Variants in CSTF2 observed in about 807,000 individuals in gnomAD.
The protein encoded by CSTF2 is CF-1 64 kDa subunit.
CSTF2 carries 8 observed loss-of-function variants against 45.4 expected under a neutral mutation model. That is an observed-to-expected ratio of 0.18 (90% CI 0.10 to 0.32). The LOEUF (loss-of-function observed/expected upper bound fraction) is 0.32, where lower values mean the gene tolerates loss of function less well. CSTF2 is among the 10% of genes least tolerant of loss of function. The pLI is 1.00. For missense variants in CSTF2, 253 were observed against 477.1 expected, an observed-to-expected ratio of 0.53 and a Z score of 4.38; for synonymous variants, 155 against 158.9, an observed-to-expected ratio of 0.98 and a Z score of 0.18.
At chrX:100,826,389 A>G (rs185292195) in intron 6 of CSTF2, among the ~76,000 whole-genome samples, 1,077 of 107,582 alleles carry the variant, frequency 0.01, 5 homozygotes, top group Admixed American at 0.018. Flanking sequence ...AGACTTGTCA[A>G]TCTCTACATT....
chrX:100,823,401 G>C lies in CSTF2; in HGVS notation c.417G>C (p.Gln139His), dbSNP rs1419346911. ...SKAVASLPPE[Q>H]MFELMKQMKL... ...CAGTTGCCAGCCTTCCACCAGAGCA[G>C]ATGTTTGAGCTGATGAAACAAATGA... The change falls in exon 4 of 14, where the codon CAG becomes CAC. Residue 139 changes from glutamine (Q) to histidine (H), a missense_variant. Gln to His is a conservative substitution (Grantham distance 24). Around this residue, in one of 3 missense-constraint regions of CSTF2, gnomAD observed 45 missense variants for 147.5 expected, o/e 0.31. Transcript: ENST00000372972. The C allele has an allele frequency of 8.3e-7, 1 of 1,211,842 alleles. No homozygotes were observed. The highest frequency in any genetic ancestry group is 2.2e-5 in the Admixed American group (1 of 46,078).
At chrX:100,829,522 A>G (rs1300104892) in intron 8 of CSTF2, among the ~76,000 whole-genome samples, 1 of 111,113 alleles carries the variant, frequency 9.0e-6, no homozygotes, top group Non-Finnish European at 1.9e-5. Flanking sequence ...ACACACACAC[A>G]CATATATATA....
At position 100,831,545 on chromosome X, in the gene CSTF2, A is replaced by G; in HGVS notation, c.920A>G (p.Gln307Arg). 1 of 1,211,637 alleles carries G rather than the reference A, an allele frequency of 8.3e-7. No individual in the cohort carries two copies. The highest frequency in any genetic ancestry group is 1.1e-6 in the Non-Finnish European group (1 of 895,346). Residue 307 changes from glutamine to arginine, a missense_variant, in exon 9 of 14, where the codon CAG (glutamine) becomes CGG (arginine). Physicochemically the swap from Gln to Arg is conservative, Grantham distance 43 (BLOSUM62 1). Around this residue, in one of 3 missense-constraint regions of CSTF2, gnomAD observed 200 missense variants for 294.0 expected, o/e 0.68. Coordinates refer to ENST00000372972, the MANE Select transcript of CSTF2 (RefSeq NM_001325.3). ...VPMQDPRAAM[Q>R]RGSLPANVPT... is the part of the protein sequence containing the mutation. The stretch of plus-strand genomic sequence containing the variant: ...ATGCAAGACCCCAGAGCAGCTATGC[A>G]GCGGGGATCCTTGCCTGCGAATGTC...
At chrX:100,840,121 A>G (rs938261009) in intron 13 of CSTF2, among the ~76,000 whole-genome samples, 1 of 111,544 alleles carries the variant, frequency 9.0e-6, no homozygotes, top group African/African-American at 3.3e-5. Flanking sequence ...AACTATCATG[A>G]TTTGTGTATA....
At position 100,837,451 on chromosome X, in the gene CSTF2, TA is replaced by T; in HGVS notation, c.1611+4del. 1 of 1,142,985 alleles carries T rather than the reference TA, an allele frequency of 8.7e-7. No individual in the cohort carries two copies. Among genetic ancestry groups the T allele is most frequent in the Non-Finnish European group, 1.2e-6 (1 of 835,205 alleles). The allele number at this position is 1,142,985 out of a possible 1,213,427, so 94.2% of individuals were successfully genotyped here. A position where few individuals can be genotyped will look rare whatever the true frequency, so the allele number is the denominator to read the frequency against. The stretch of plus-strand genomic sequence containing the variant: ...GTCACTCCACAGGATCATGAGAAGG[TA>T]AGCAACACTGTCTGACTGCCTCCTT... On this transcript the variant is annotated splice_donor_region_variant and intron_variant, in intron 12 of 13. Coordinates refer to ENST00000372972, the MANE Select transcript of CSTF2 (RefSeq NM_001325.3).
intron 6 of CSTF2, 63 bp downstream of exon 6, chrX:100,824,320 G>T: frequency 9.6e-7 from 1 of 1,036,726 alleles, no homozygotes; most frequent in Admixed American, 3.6e-5. Flanking sequence ...CTTTTTAGGA[G>T]AATATATTGA....
intron 13 of CSTF2, among the ~76,000 whole-genome samples, chrX:100,838,768 A>G (rs1291007987): frequency 8.9e-6 from 1 of 112,043 alleles, no homozygotes; most frequent in Non-Finnish European, 1.9e-5. Context: ...GAAAAATACA[A>G]AGCATTTCAA....
At chrX:100,834,914 TTCTC>T (rs1219932532) in intron 11 of CSTF2, among the ~76,000 whole-genome samples, 1 of 112,071 alleles carries the variant, frequency 8.9e-6, no homozygotes, top group Admixed American at 9.5e-5. Flanking sequence ...TTTTGCTCCT[TTCTC>T]TCTGCTGGTA....
At chrX:100,838,421 A>G (rs2085021966) in intron 13 of CSTF2, 57 bp downstream of exon 13, 8 of 1,080,937 alleles carry the variant, frequency 7.4e-6, no homozygotes, top group Non-Finnish European at 9.8e-6. Flanking sequence ...TTCTGGGTAT[A>G]TACTTTTAAC....
At chrX:100,823,739 C>A in intron 4 of CSTF2, 147 bp from the exon 5 acceptor site, 1 of 700,047 alleles carries the variant, frequency 1.4e-6, no homozygotes, top group Non-Finnish European at 2.1e-6. Context: ...TCTTCTCTTG[C>A]CTGCCATGAC....
At chrX:100,828,555 A>G (rs2084957268) in intron 8 of CSTF2, among the ~76,000 whole-genome samples, 1 of 112,333 alleles carries the variant, frequency 8.9e-6, no homozygotes, top group African/African-American at 3.2e-5. Context: ...CTGGGTATGT[A>G]GAAGACTAGA....
chrX:100,828,102 G>A lies in CSTF2; in HGVS notation c.889G>A (p.Val297Met). Residue 297 changes from valine (V) to methionine (M), a missense_variant and splice_region_variant, in exon 8 of 14, where the codon GTG becomes ATG. By Grantham distance (21) the Val-to-Met change is conservative. Transcript: ENST00000372972. Reference protein sequence around the residue: ...SGPVSMERGQVPMQDPRAAMQ... With the variant: ...SGPVSMERGQMPMQDPRAAMQ... ...ACCAGTGTCCATGGAACGGGGGCAA[G>A]GTAAATAAATATTAATGTCTGACTA... is the stretch of plus-strand genomic sequence containing the variant. 1.7e-6 allele frequency: 2 copies of A among 1,193,747 alleles called. No individual in the cohort carries two copies. The highest frequency in any genetic ancestry group is 1.8e-5 in the South Asian group (1 of 54,349).
At chrX:100,833,652 G>A (rs1479861741) in intron 11 of CSTF2, among the ~76,000 whole-genome samples, 180 bp downstream of exon 11, 1 of 111,090 alleles carries the variant, frequency 9.0e-6, no homozygotes, top group Non-Finnish European at 1.9e-5. Flanking sequence ...TGGCTATCAG[G>A]ATTGTAGTTC....
intron 12 of CSTF2, among the ~76,000 whole-genome samples, chrX:100,837,796 C>T (rs2085017664): frequency 9.0e-6 from 1 of 111,687 alleles, no homozygotes; most frequent in South Asian, 3.8e-4. Flanking sequence ...GTAGATTCCC[C>T]ATGATTATAT....
chrX:100,832,909 G>A lies in CSTF2; in HGVS notation c.1207G>A (p.Gly403Ser), dbSNP rs2084984590. The A allele has an allele frequency of 8.4e-7, 1 of 1,188,064 alleles. No individual in the cohort carries two copies. The highest frequency in any genetic ancestry group is 1.8e-5 in the African/African-American group (1 of 56,589). The change falls in exon 10 of 14, where the codon GGT becomes AGT. Residue 403 changes from glycine (G) to serine (S), a missense_variant and splice_region_variant. Physicochemically the swap from Gly to Ser is moderately conservative, Grantham distance 56. This residue lies in a region of CSTF2 where 200 missense variants were observed against 294.0 expected (regional missense o/e 0.68). Transcript: ENST00000372972. ...DQRGPPLDGR[G>S]GRDPRGIDAR... ...GAGGGGTCCACCCTTGGATGGCAGA[G>A]GTAAGGGGAGATCACATTGCAAATG...
At chrX:100,833,874 C>T (rs751480094) in intron 11 of CSTF2, among the ~76,000 whole-genome samples, 1 of 111,558 alleles carries the variant, frequency 9.0e-6, no homozygotes, top group South Asian at 3.8e-4. Flanking sequence ...AAAAACTTCC[C>T]CCAAATGATT....
In CSTF2 at chrX:100,823,283, C is replaced by A; in HGVS notation, c.308-9C>A. 1 of 1,202,144 alleles carries A rather than the reference C, an allele frequency of 8.3e-7. No individual in the cohort carries two copies. ...CTCCCTAACTTTCTTGTACTTTCTT[C>A]TTGATTAGGCCTTGGCACTGGTGCC... On this transcript the variant is annotated splice_polypyrimidine_tract_variant and intron_variant, in intron 3 of 13. Transcript: ENST00000372972.
At chrX:100,838,477 C>G in intron 13 of CSTF2, 113 bp downstream of exon 13, 4 of 684,341 alleles carry the variant, frequency 5.8e-6, no homozygotes. Flanking sequence ...ATCCACTCAG[C>G]TAGACTCTTC....
At chrX:100,830,686 A>G (rs937830729) in intron 8 of CSTF2, 5 of 521,363 alleles carry the variant, frequency 9.6e-6, no homozygotes, top group Non-Finnish European at 1.5e-5. Flanking sequence ...CAAGCCGATG[A>G]ACTCTTGGCT....
Sources: gnomAD v4.1 joint callset for allele counts (sites outside exome capture counted in the v4.1 genomes callset) on GRCh38, gnomAD v4.1.1 for gene constraint, gnomAD v4.1.1 regional missense constraint, MANE v1.5 for transcripts, NCBI Gene and HGNC (gene_info 2026-07-23, HGNC 2026-07-21) for gene names.